Variants in PTH2R observed in about 807,000 individuals in gnomAD.
PTH2R encodes parathyroid hormone 2 receptor, also known as PTH2 receptor.
A neutral mutation model predicts 60.3 loss-of-function variants in PTH2R; 59 were observed. The observed-to-expected ratio is 0.98, with a 90% confidence interval of 0.79 to 1.22. The LOEUF is 1.22. Ranked by LOEUF, PTH2R falls within the 50% of genes most tolerant of loss-of-function variation. The probability of loss-of-function intolerance (pLI) is 0.00; values close to 1 mark genes in which losing one functional copy is unlikely to be tolerated. For missense variants in PTH2R, 749 were observed against 682.6 expected, an observed-to-expected ratio of 1.10 and a Z score of -1.08; for synonymous variants, 256 against 243.8, an observed-to-expected ratio of 1.05 and a Z score of -0.47.
At chr2:208,490,582 C>A in intron 11 of PTH2R, 57 bp from the exon 12 acceptor site, 1 of 1,564,552 alleles carries the variant, frequency 6.4e-7, no homozygotes, top group Non-Finnish European at 8.7e-7. Context: ...GCACAAGATG[C>A]TTAAGTGCTG....
At position 208,443,537 on chromosome 2, in the gene PTH2R, T is replaced by C. The variant is rs781277162; in HGVS notation, c.699T>C (p.Tyr233=). The part of the protein sequence containing the change: ...IEATSVDKSQ[Y]IGCKIAVVMF... ...CAACTTCTGTGGACAAATCACAATA[T>C]GTAAGTGTTTTCACCATTTTCTCTC... is the stretch of plus-strand genomic sequence containing the variant. Residue 233 remains tyrosine, a splice_region_variant and synonymous_variant, in exon 6 of 13, where the codon TAT becomes TAC. Transcript: ENST00000272847. The C allele has an allele frequency of 1.9e-5, 31 of 1,592,490 alleles. No individual in the cohort carries two copies. Among genetic ancestry groups the C allele is most frequent in the Non-Finnish European group, 2.6e-5 (30 of 1,171,378 alleles).
intron 1 of PTH2R, chr2:208,360,547 G>T: frequency 6.4e-6 from 1 of 155,240 alleles, no homozygotes; most frequent in Non-Finnish European, 1.4e-5. Flanking sequence ...GCTCGCTCGG[G>T]GCTCTGGAGT....
intron 12 of PTH2R, 85 bp downstream of exon 12, chr2:208,490,765 A>G: frequency 7.8e-7 from 1 of 1,278,972 alleles, no homozygotes; most frequent in Non-Finnish European, 1.1e-6. Flanking sequence ...TAGAATTTCC[A>G]GGATTTCCAG....
At chr2:208,430,097 T>C (rs900055824) in intron 2 of PTH2R, among the ~76,000 whole-genome samples, 1 of 152,192 alleles carries the variant, frequency 6.6e-6, no homozygotes, top group Non-Finnish European at 1.5e-5. Context: ...AAGATATGTA[T>C]TATATTTAAT....
intron 11 of PTH2R, among the ~76,000 whole-genome samples, chr2:208,490,240 C>T (rs190976338): frequency 3.2e-4 from 49 of 152,110 alleles, no homozygotes; most frequent in African/African-American, 1.1e-3. Context: ...TTTGAATGAA[C>T]GAAATAAAAG....
At chr2:208,488,895 A>G in intron 10 of PTH2R, 117 bp from the exon 11 acceptor site, 1 of 1,042,146 alleles carries the variant, frequency 9.6e-7, no homozygotes, top group Non-Finnish European at 1.4e-6. Context: ...AAAGATAAAA[A>G]GAAAGTGTCA....
intron 1 of PTH2R, among the ~76,000 whole-genome samples, chr2:208,414,250 G>A (rs1336648764): frequency 1.3e-5 from 2 of 152,042 alleles, no homozygotes; most frequent in African/African-American, 4.8e-5. Context: ...TTAAAATGGT[G>A]GTGTTTGTCC....
Position 208,437,631 on chromosome 2 carries a change from T to C in PTH2R, c.273T>C (p.Tyr91=). The change falls in exon 3 of 13, where the codon TAT becomes TAC. Residue 91 remains tyrosine (Y), a synonymous_variant. Coordinates refer to ENST00000272847, the MANE Select transcript of PTH2R (RefSeq NM_005048.4). ...ISAVPCPPYI[Y]DFNHKGVAFR... ...CTGTTCCATGCCCTCCTTATATTTATGACTTCAACCATAAAGGTATTGAAT... is the reference window on the plus strand; with the variant it reads ...CTGTTCCATGCCCTCCTTATATTTACGACTTCAACCATAAAGGTATTGAAT... 6.2e-7 allele frequency: 1 copy of C among 1,612,698 alleles called. No individual in the cohort carries two copies. Among genetic ancestry groups the C allele is most frequent in the Non-Finnish European group, 8.5e-7 (1 of 1,179,468 alleles).
chr2:208,419,156 A>G (rs568837485), intron 1 of PTH2R, among the ~76,000 whole-genome samples: 3 of 152,240 alleles, frequency 2.0e-5, no homozygotes, highest in East Asian at 3.9e-4. Context: ...AGGTGTTCCT[A>G]TTTCTCCACA....
chr2:208,386,932 G>A (rs1050342698), intron 1 of PTH2R, among the ~76,000 whole-genome samples: 2 of 152,162 alleles, frequency 1.3e-5, no homozygotes, highest in African/African-American at 4.8e-5. Flanking sequence ...CTCATAACAG[G>A]TAAGGTAGAA....
intron 4 of PTH2R, among the ~76,000 whole-genome samples, chr2:208,439,473 A>G (rs1013036602): frequency 5.9e-5 from 9 of 152,026 alleles, no homozygotes; most frequent in African/African-American, 9.7e-5. Flanking sequence ...GCAAAATGAT[A>G]TTACTTATTT....
In PTH2R at chr2:208,429,038, T is replaced by C. The variant is rs190290496; in HGVS notation, c.178+735T>C. Among the ~76,000 whole-genome samples, 392 of 149,036 alleles carry C rather than the reference T, an allele frequency of 2.6e-3. 1 individual carries two copies. Among genetic ancestry groups the C allele is most frequent in the African/African-American group, 8.9e-3 (357 of 40,188 alleles). ...AGGTGGAGGTTGCGGTGAGCTGAGA[T>C]CGCACCATTGAACTCCAGCCTGGGT... On this transcript the variant is annotated intron_variant, in intron 2 of 12. Coordinates refer to ENST00000272847, the MANE Select transcript of PTH2R (RefSeq NM_005048.4).
At chr2:208,442,155 T>C (rs1481583383) in intron 4 of PTH2R, among the ~76,000 whole-genome samples, 2 of 152,182 alleles carry the variant, frequency 1.3e-5, no homozygotes, top group African/African-American at 4.8e-5. Context: ...GTGGGTGTTT[T>C]TTTGACTAGC....
At chr2:208,360,939 A>G in intron 1 of PTH2R, 1 of 222,542 alleles carries the variant, frequency 4.5e-6, no homozygotes, top group Non-Finnish European at 9.5e-6. Context: ...AGGGGGCATT[A>G]GCCAGGAGCA....
intron 1 of PTH2R, among the ~76,000 whole-genome samples, chr2:208,427,635 C>T (rs1701884070): frequency 6.6e-6 from 1 of 152,066 alleles, no homozygotes; most frequent in Non-Finnish European, 1.5e-5. Context: ...TACGCATCTC[C>T]CAAACTGTGA....
At chr2:208,380,402 T>C (rs1291046292) in intron 1 of PTH2R, among the ~76,000 whole-genome samples, 2 of 152,094 alleles carry the variant, frequency 1.3e-5, no homozygotes, top group African/African-American at 2.4e-5. Flanking sequence ...ATAAAAACCC[T>C]GTAAGTCATG....
intron 8 of PTH2R, among the ~76,000 whole-genome samples, chr2:208,453,517 T>G (rs1702449618): frequency 6.6e-6 from 1 of 152,228 alleles, no homozygotes; most frequent in South Asian, 2.1e-4. Flanking sequence ...CTGTCTCATT[T>G]TTCCAACAAA....
intron 4 of PTH2R, among the ~76,000 whole-genome samples, chr2:208,441,806 T>A (rs1049532326): frequency 6.6e-6 from 1 of 152,224 alleles, no homozygotes; most frequent in Admixed American, 6.5e-5. Context: ...GCGTGTCGCA[T>A]CAATATTAAA....
intron 10 of PTH2R, among the ~76,000 whole-genome samples, 194 bp from the exon 11 acceptor site, chr2:208,488,818 A>T (rs958764892): frequency 1.3e-5 from 2 of 152,210 alleles, no homozygotes; most frequent in African/African-American, 4.8e-5. Context: ...TCGACACTGC[A>T]GTAAGCTGTG....
Sources: allele counts gnomAD v4.1 joint callset (sites outside exome capture counted in the v4.1 genomes callset), GRCh38; gene constraint gnomAD v4.1.1; transcripts MANE v1.5; gene names NCBI Gene and HGNC (gene_info 2026-07-23, HGNC 2026-07-21).